TMEM117: variants seen among roughly 807,000 people sequenced by gnomAD.
TMEM117 encodes transmembrane protein 117.
Under a neutral mutation model 52.4 loss-of-function variants are expected in TMEM117, and 27 were observed. The ratio of observed to expected loss-of-function variants is 0.51; its 90% CI spans 0.38 to 0.71. The LOEUF is 0.71. Ranked by LOEUF, TMEM117 falls within the 30% of genes least tolerant of loss-of-function variation. TMEM117 has a pLI of 0.00. For missense variants in TMEM117, 556 were observed against 630.5 expected, an observed-to-expected ratio of 0.88 and a Z score of 1.26; for synonymous variants, 215 against 206.3, an observed-to-expected ratio of 1.04 and a Z score of -0.36.
At chr12:44,130,143 T>G (rs1442313040) in intron 3 of TMEM117, among the ~76,000 whole-genome samples, 2 of 152,226 alleles carry the variant, frequency 1.3e-5, no homozygotes, top group Non-Finnish European at 2.9e-5. Flanking sequence ...TTATACTAAT[T>G]GGTTCTTTAT....
At chr12:43,961,757 G>C (rs1945407502) in intron 3 of TMEM117, among the ~76,000 whole-genome samples, 1 of 152,112 alleles carries the variant, frequency 6.6e-6, no homozygotes, top group Non-Finnish European at 1.5e-5. Context: ...TCGTTATCTA[G>C]AGCCCATACG....
the TMEM117 span, among the ~76,000 whole-genome samples, chr12:43,830,005 T>A: frequency 6.6e-6 from 1 of 151,258 alleles, no homozygotes; most frequent in Non-Finnish European, 1.5e-5. Flanking sequence ...GGAGATGTGC[T>A]TGAACCCGGG....
At chr12:43,832,322 G>C (rs144355100), upstream of TMEM117, among the ~76,000 whole-genome samples, 128 of 152,332 alleles carry the variant, frequency 8.4e-4, no homozygotes, top group African/African-American at 2.9e-3. Context: ...CTATTACATG[G>C]CAGACACTAC....
intron 3 of TMEM117, among the ~76,000 whole-genome samples, chr12:44,023,718 G>T (rs1345225704): frequency 6.8e-6 from 1 of 148,148 alleles, no homozygotes; most frequent in African/African-American, 2.5e-5. Flanking sequence ...GTAGATTCTG[G>T]ATATTAGCCC....
chr12:43,891,782 T>A (rs990905823), intron 2 of TMEM117, among the ~76,000 whole-genome samples: 1 of 152,186 alleles, frequency 6.6e-6, no homozygotes, highest in Non-Finnish European at 1.5e-5. Flanking sequence ...TACTCATATT[T>A]TTTTCCTCTA....
At chr12:43,951,277 A>G (rs549418382) in intron 3 of TMEM117, among the ~76,000 whole-genome samples, 88 of 152,044 alleles carry the variant, frequency 5.8e-4, no homozygotes, top group Non-Finnish European at 1.1e-3. Flanking sequence ...GACACTTGGA[A>G]CTCCAGTGAG....
chr12:44,034,265 C>T (rs61933032), intron 3 of TMEM117, among the ~76,000 whole-genome samples: 8 of 151,842 alleles, frequency 5.3e-5, no homozygotes, highest in Non-Finnish European at 1.0e-4. Flanking sequence ...ATATTAGTAG[C>T]CAAGAAAGTA....
At chr12:44,265,073 A>G (rs1950361433) in intron 5 of TMEM117, among the ~76,000 whole-genome samples, 1 of 152,212 alleles carries the variant, frequency 6.6e-6, no homozygotes. Context: ...CTTGTCAAGA[A>G]GTAAAATACT....
intron 2 of TMEM117, among the ~76,000 whole-genome samples, chr12:43,891,696 A>G (rs1302799503): frequency 6.6e-6 from 1 of 152,086 alleles, no homozygotes; most frequent in African/African-American, 2.4e-5. Context: ...TAAGCTTTCT[A>G]ACTGCTTTCT....
At chr12:43,823,596 G>T in the TMEM117 span, among the ~76,000 whole-genome samples, 1 of 151,904 alleles carries the variant, frequency 6.6e-6, no homozygotes, top group South Asian at 2.1e-4. Flanking sequence ...TGCAACTTCC[G>T]CCTCCCAGGT....
At position 43,923,886 on chromosome 12, in the gene TMEM117, A is replaced by G. The variant is rs1356831860; in HGVS notation, c.278-20324A>G. On this transcript the variant is annotated intron_variant, in intron 2 of 7. Coordinates refer to ENST00000266534, the MANE Select transcript of TMEM117 (RefSeq NM_032256.3). ...TGTCAGTAATAGTCAGCAGTGTTTAATTCATAGATTTATTTGTGAAGTTCA... is the reference window on the plus strand; with the variant it reads ...TGTCAGTAATAGTCAGCAGTGTTTAGTTCATAGATTTATTTGTGAAGTTCA... 4.6e-5 allele frequency among the ~76,000 whole-genome samples: 7 copies of G among 152,284 alleles called. No homozygotes were observed. In the South Asian group the frequency reaches 1.4e-3, roughly 32 times the overall value.
intron 3 of TMEM117, among the ~76,000 whole-genome samples, chr12:43,999,786 C>T (rs2137774378): frequency 6.6e-6 from 1 of 152,230 alleles, no homozygotes; most frequent in Admixed American, 6.5e-5. Flanking sequence ...GCCACCGTGC[C>T]CGGCTGGATA....
At chr12:43,973,151 A>G (rs1356431761) in intron 3 of TMEM117, among the ~76,000 whole-genome samples, 1 of 152,110 alleles carries the variant, frequency 6.6e-6, no homozygotes, top group Non-Finnish European at 1.5e-5. Context: ...ATGAAGAAAA[A>G]AGGTTTTTTT....
At chr12:44,102,480 C>T (rs879575702) in intron 3 of TMEM117, among the ~76,000 whole-genome samples, 21 of 151,854 alleles carry the variant, frequency 1.4e-4, no homozygotes, top group Non-Finnish European at 2.4e-4. Flanking sequence ...ATCCATCTCT[C>T]TAAATGCCTC....
intron 3 of TMEM117, among the ~76,000 whole-genome samples, chr12:44,089,706 T>C (rs1182255027): frequency 6.6e-6 from 1 of 152,214 alleles, no homozygotes; most frequent in Non-Finnish European, 1.5e-5. Context: ...AGCCATTCTT[T>C]CCCAGTCTAG....
chr12:44,299,227 T>C (rs1950806931), intron 5 of TMEM117, among the ~76,000 whole-genome samples: 1 of 151,042 alleles, frequency 6.6e-6, no homozygotes, highest in Non-Finnish European at 1.5e-5. Context: ...ACCTCCCAGG[T>C]TCAAGTGATT....
rs1297764486 is a variant in TMEM117, at chr12:43,910,328, A to G, written c.278-33882A>G. On this transcript the variant is annotated intron_variant, in intron 2 of 7. Coordinates refer to ENST00000266534, the MANE Select transcript of TMEM117 (RefSeq NM_032256.3). Reference sequence around the variant, plus strand: ...GCTAAAAACTCTCAATAAATTAGGTATTGATGGGACGTATTTCAAAATAAT... The same window carrying G: ...GCTAAAAACTCTCAATAAATTAGGTGTTGATGGGACGTATTTCAAAATAAT... 1.0e-4 allele frequency among the ~76,000 whole-genome samples: 15 copies of G among 145,564 alleles called. No homozygotes were observed. In the South Asian group the frequency reaches 2.9e-3, roughly 28 times the overall value.
chr12:44,206,409 T>C (rs1949567665), intron 4 of TMEM117, among the ~76,000 whole-genome samples: 1 of 152,206 alleles, frequency 6.6e-6, no homozygotes, highest in South Asian at 2.1e-4. Flanking sequence ...ATCTTGTTTA[T>C]GGCCAGTTTC....
chr12:43,859,361 GA>G (rs949020413), intron 2 of TMEM117, among the ~76,000 whole-genome samples: 3 of 152,180 alleles, frequency 2.0e-5, no homozygotes, highest in African/African-American at 7.2e-5. Flanking sequence ...CTGGCAGCAG[GA>G]AAGAGAAACT....
Sources: gnomAD v4.1 joint callset for allele counts (sites outside exome capture counted in the v4.1 genomes callset) on GRCh38, gnomAD v4.1.1 for gene constraint, MANE v1.5 for transcripts, NCBI Gene and HGNC (gene_info 2026-07-23, HGNC 2026-07-21) for gene names.